APBB3: variants seen among roughly 807,000 people sequenced by gnomAD.
The protein encoded by APBB3 is amyloid-beta A4 precursor protein-binding family B member 3.
In APBB3, 50 loss-of-function variants were observed where a neutral mutation model predicts 61.5. The ratio of observed to expected loss-of-function variants is 0.81; its 90% CI spans 0.65 to 1.03. The LOEUF (loss-of-function observed/expected upper bound fraction) is 1.03. APBB3 is among the 50% of genes least tolerant of loss of function. APBB3 has a pLI of 0.00. For missense variants in APBB3, 550 were observed against 637.4 expected (o/e 0.86, Z 1.48); for synonymous variants, 235 against 233.0 (o/e 1.01, Z -0.08).
chr5:140,558,796 G>A lies in APBB3; in HGVS notation c.1250C>T (p.Ala417Val). ...CCAGGCCTTGCCTCGAGCTGCAGAG[G>A]CCACAAGACACTTCTGGTACTGAAC... The part of the protein sequence containing the change: ...CMVQYQKCLV[A>V]SAARGKAWGA... Residue 417 changes from alanine to valine, a missense_variant, in exon 13 of 13, where the codon GCC becomes GTC. By Grantham distance (64) the Ala-to-Val change is moderately conservative. This residue lies in a region of APBB3 where 138 missense variants were observed against 132.6 expected (regional missense o/e 1.04). Transcript: ENST00000357560. 1.2e-6 allele frequency: 2 copies of A among 1,612,256 alleles called. No individual in the cohort carries two copies. The highest frequency in any genetic ancestry group is 1.7e-6 in the Non-Finnish European group (2 of 1,179,644).
At chr5:140,559,784 T>G (rs540925444) in intron 12 of APBB3, among the ~76,000 whole-genome samples, 46 of 152,362 alleles carry the variant, frequency 3.0e-4, no homozygotes, top group African/African-American at 1.1e-3. Context: ...TACAACTTAT[T>G]TCTGGTCTAT....
intron 4 of APBB3, 71 bp downstream of exon 4, chr5:140,562,587 ATCACC>A: frequency 6.2e-7 from 1 of 1,609,720 alleles, no homozygotes; most frequent in Non-Finnish European, 8.5e-7. Context: ...TTCACCCTTG[ATCACC>A]TCTGTTCAGT....
intron 9 of APBB3, 107 bp downstream of exon 9, chr5:140,561,258 C>T (rs1754941569): frequency 6.8e-7 from 1 of 1,479,422 alleles, no homozygotes; most frequent in Non-Finnish European, 9.4e-7. Flanking sequence ...TGAGACCAGA[C>T]ATCTCAGAAA....
In APBB3 at chr5:140,564,178, C is replaced by T. The variant is rs1755102003; in HGVS notation, c.49+19G>A. ...CTCCCTCAGCTCCTGGTCTTCCCAC[C>T]GGGCCCCTCCGTGCACACCATCGCA... On this transcript the variant is annotated intron_variant, in intron 1 of 12. Transcript: ENST00000357560. The surrounding 1 kb of genome is among the most constrained non-coding windows in gnomAD (Gnocchi z 5.0). 2.5e-6 allele frequency: 4 copies of T among 1,614,036 alleles called. No individual in the cohort carries two copies. Among genetic ancestry groups the T allele is most frequent in the Non-Finnish European group, 3.4e-6 (4 of 1,180,010 alleles).
At position 140,561,048 on chromosome 5, in the gene APBB3, T is replaced by A. The variant is rs1355176349; in HGVS notation, c.886A>T (p.Met296Leu). The change falls in exon 10 of 13, where the codon ATG becomes TTG. Residue 296 changes from methionine (M) to leucine (L), a missense_variant. Physicochemically the swap from Met to Leu is conservative, Grantham distance 15. This residue lies in a region of APBB3 where 405 missense variants were observed against 483.4 expected (regional missense o/e 0.84). Transcript: ENST00000357560. ...QAAQKYEALY[M>L]GTLPVTKAMG... ...GCCTTGGTGACTGGCAGTGTCCCCA[T>A]ATACAGTGCCTCGTACTTCTGAGCA... 6 of 1,613,818 alleles carry A rather than the reference T, an allele frequency of 3.7e-6. No homozygotes were observed. In the Middle Eastern group the frequency reaches 6.6e-4, roughly 177 times the overall value.
intron 9 of APBB3, 64 bp downstream of exon 9, chr5:140,561,301 C>A: frequency 1.3e-6 from 2 of 1,566,680 alleles, no homozygotes; most frequent in African/African-American, 2.7e-5. Flanking sequence ...AACCAGAAAT[C>A]GCCCCCCCAC....
chr5:140,564,041 A>G lies in APBB3; in HGVS notation c.50-126T>C. 6.8e-7 allele frequency: 1 copy of G among 1,466,870 alleles called. No homozygotes were observed. The highest frequency in any genetic ancestry group is 9.2e-7 in the Non-Finnish European group (1 of 1,081,694). 90.9% of individuals were successfully genotyped at this position (1,466,870 alleles called of 1,614,324 possible). On this transcript the variant is annotated intron_variant, in intron 1 of 12. Transcript: ENST00000357560. This position sits in a 1 kb window ranked among gnomAD's most constrained non-coding sequence, Gnocchi z 5.0. The stretch of plus-strand genomic sequence containing the variant: ...TTAGGCTGAAGATCCAGGCTCCTCA[A>G]TCTTGAAGACATCACATGTAAAGAC...
At chr5:140,558,922 C>A in intron 12 of APBB3, 101 bp from the exon 13 acceptor site, 1 of 1,080,956 alleles carries the variant, frequency 9.3e-7, no homozygotes, top group South Asian at 1.3e-5. Flanking sequence ...TGTCTGATAA[C>A]AAGGTTGGTA....
chr5:140,562,505 A>C lies in APBB3; in HGVS notation c.352-6T>G. On this transcript the variant is annotated splice_polypyrimidine_tract_variant and splice_region_variant and intron_variant, in intron 4 of 12. Coordinates refer to ENST00000357560, the MANE Select transcript of APBB3 (RefSeq NM_133173.3). ...AGAGAGCGGACTGCAAAGCACTGAC[A>C]GGTTGGGGGAAGGGACAGGAATTAA... 6.2e-7 allele frequency: 1 copy of C among 1,613,884 alleles called. No homozygotes were observed. Among genetic ancestry groups the C allele is most frequent in the Non-Finnish European group, 8.5e-7 (1 of 1,179,930 alleles).
At chr5:140,561,875 A>C (rs1427824426) in intron 6 of APBB3, 26 bp from the exon 7 acceptor site, 3 of 1,613,618 alleles carry the variant, frequency 1.9e-6, no homozygotes. Context: ...GTGGGAGCAC[A>C]GAAGGGAATC....
rs143692635 is a variant in APBB3, at chr5:140,558,752, G to A, written c.1294C>T (p.Arg432Cys). Residue 432 changes from arginine (R) to cysteine (C), a missense_variant, in exon 13 of 13, where the codon CGC (arginine) becomes TGC (cysteine). Physicochemically the swap from Arg to Cys is radical, Grantham distance 180. This residue lies in a region of APBB3 where 138 missense variants were observed against 132.6 expected (regional missense o/e 1.04). Coordinates refer to ENST00000357560, the MANE Select transcript of APBB3 (RefSeq NM_133173.3). ...GAGCTGGTCCGCTTGAGCCGCAGGC[G>A]GGCACGGGCCTGGGCACCCCAGGCC... The part of the protein sequence containing the change: ...GKAWGAQARA[R>C]LRLKRTSSMD... 2.6e-3 allele frequency: 4,215 copies of A among 1,606,542 alleles called. 20 individuals are homozygous for A. Among genetic ancestry groups the A allele is most frequent in the East Asian group, 0.019 (855 of 44,834 alleles).
At position 140,558,488 on chromosome 5, in the gene APBB3, G is replaced by T; in HGVS notation, c.*97C>A. On this transcript the variant is annotated 3_prime_UTR_variant, in exon 13 of 13. Coordinates refer to ENST00000357560, the MANE Select transcript of APBB3 (RefSeq NM_133173.3). ...AAGGATCGGAGGGACAGGCAGAGAAGGCTTCAAGGAGTGACAGGCTATAGG... is the reference window on the plus strand; with the variant it reads ...AAGGATCGGAGGGACAGGCAGAGAATGCTTCAAGGAGTGACAGGCTATAGG... The T allele has an allele frequency of 1.7e-6, 2 of 1,165,002 alleles. No homozygotes were observed. The allele number at this position is 1,165,002 out of a possible 1,614,324, so 72.2% of individuals were successfully genotyped here. A position where few individuals can be genotyped will look rare whatever the true frequency, so the allele number is the denominator to read the frequency against.
Position 140,563,842 on chromosome 5 carries a change from A to C in APBB3, c.123T>G (p.Ala41=). The change falls in exon 2 of 13, where the codon GCT becomes GCG. Residue 41 remains alanine, a synonymous_variant. Coordinates refer to ENST00000357560, the MANE Select transcript of APBB3 (RefSeq NM_133173.3). ...LPPGWRKIHD[A]AGTYYWHVPS... ...GTACATGCCAGTAGTAAGTACCTGC[A>C]GCATCGTGGATCTTCCTCCAGCCAG... 2 of 1,614,198 alleles carry C rather than the reference A, an allele frequency of 1.2e-6. No homozygotes were observed. Among genetic ancestry groups the C allele is most frequent in the East Asian group, 4.5e-5 (2 of 44,884 alleles).
In APBB3 at chr5:140,558,485, G is replaced by C. The variant is rs1304867150; in HGVS notation, c.*100C>G. 15 of 1,147,088 alleles carry C rather than the reference G, an allele frequency of 1.3e-5. No homozygotes were observed. In the Admixed American group the frequency reaches 1.4e-4, roughly 11 times the overall value. 71.1% of individuals were successfully genotyped at this position (1,147,088 alleles called of 1,614,324 possible). A position where few individuals can be genotyped will look rare whatever the true frequency, so the allele number is the denominator to read the frequency against. On this transcript the variant is annotated 3_prime_UTR_variant, in exon 13 of 13. Transcript: ENST00000357560. ...GACAAGGATCGGAGGGACAGGCAGAGAAGGCTTCAAGGAGTGACAGGCTAT... is the reference window on the plus strand; with the variant it reads ...GACAAGGATCGGAGGGACAGGCAGACAAGGCTTCAAGGAGTGACAGGCTAT...
chr5:140,561,521 C>T, intron 8 of APBB3, 66 bp downstream of exon 8: 1 of 1,613,328 alleles, frequency 6.2e-7, no homozygotes, highest in Non-Finnish European at 8.5e-7. Flanking sequence ...AATACCACCC[C>T]AACTACCTTG....
intron 1 of APBB3, 39 bp from the exon 2 acceptor site, chr5:140,563,954 T>C: frequency 6.2e-7 from 1 of 1,603,870 alleles, no homozygotes; most frequent in Non-Finnish European, 8.5e-7. Flanking sequence ...GAGCATATGA[T>C]TTGTGAGTTC....
chr5:140,560,282 T>TC lies in APBB3; in HGVS notation c.1224+30dup. The TC allele has an allele frequency of 6.3e-7, 1 of 1,596,718 alleles. No individual in the cohort carries two copies. The highest frequency in any genetic ancestry group is 1.4e-5 in the African/African-American group (1 of 73,694). On this transcript the variant is annotated intron_variant, in intron 12 of 12. Transcript: ENST00000357560. The surrounding 1 kb of genome is among the most constrained non-coding windows in gnomAD (Gnocchi z 5.1). ...ACAGTGGAGAGCAGCTGCAGGGCAATCCCACCAACCCATTCCCACCCATGA... is the reference window on the plus strand; with the variant it reads ...ACAGTGGAGAGCAGCTGCAGGGCAATCCCCACCAACCCATTCCCACCCATGA...
rs535212514 is a variant in APBB3, at chr5:140,558,530, G to A, written c.*55C>T. The A allele has an allele frequency of 3.8e-5, 59 of 1,544,204 alleles. No individual in the cohort carries two copies. The highest frequency in any genetic ancestry group is 3.4e-4 in the Middle Eastern group (2 of 5,944). ...GGCTATAGGCCTTGAGGAATAAAAC[G>A]GTACAGAGTTAGGCATGGACCCAGA... On this transcript the variant is annotated 3_prime_UTR_variant, in exon 13 of 13. Transcript: ENST00000357560.
chr5:140,558,971 G>A (rs1581403144), intron 12 of APBB3, 150 bp from the exon 13 acceptor site: 1 of 707,364 alleles, frequency 1.4e-6, no homozygotes, highest in African/African-American at 1.8e-5. Context: ...TTCCCAGGTA[G>A]CTCAATAACA....
Sources: allele counts gnomAD v4.1 joint callset (sites outside exome capture counted in the v4.1 genomes callset), GRCh38; gene constraint gnomAD v4.1.1; regional missense constraint gnomAD v4.1.1; non-coding constraint Gnocchi (gnomAD v3.1); transcripts MANE v1.5; gene names NCBI Gene and HGNC (gene_info 2026-07-23, HGNC 2026-07-21).